The following DOCK3 variants were observed in gnomAD, a reference collection of about 807,000 sequenced individuals.
DOCK3 encodes the protein dedicator of cytokinesis 3.
DOCK3 carries 60 observed loss-of-function variants against 265.6 expected under a neutral mutation model. That is an observed-to-expected ratio of 0.23 (90% CI 0.18 to 0.28). DOCK3 has a LOEUF of 0.28. Among genes scored for constraint, DOCK3 ranks in the 10% least tolerant of loss-of-function variants. DOCK3 has a pLI of 1.00. For missense variants in DOCK3, 1,981 were observed against 2,594.3 expected (o/e 0.76, Z 5.14); for synonymous variants, 881 against 938.0 (o/e 0.94, Z 1.11).
At chr3:51,354,793 T>C in intron 40 of DOCK3, 89 bp from the exon 41 acceptor site, 1 of 1,537,384 alleles carries the variant, frequency 6.5e-7, no homozygotes. Context: ...CTAAGATATG[T>C]TTGTGCTATA....
intron 14 of DOCK3, among the ~76,000 whole-genome samples, chr3:51,224,908 C>T (rs1375160323): frequency 6.6e-6 from 1 of 152,196 alleles, no homozygotes; most frequent in Non-Finnish European, 1.5e-5. Flanking sequence ...TCATTTTAGA[C>T]TTGAAGTTTG....
chr3:50,837,422 A>G (rs1039232077), intron 2 of DOCK3, among the ~76,000 whole-genome samples: 11 of 152,186 alleles, frequency 7.2e-5, no homozygotes, highest in Admixed American at 1.3e-4. Flanking sequence ...CCTTCTTCAC[A>G]TGGTGGCAGA....
At chr3:50,995,181 T>C (rs2078235136) in intron 5 of DOCK3, among the ~76,000 whole-genome samples, 1 of 152,230 alleles carries the variant, frequency 6.6e-6, no homozygotes, top group Non-Finnish European at 1.5e-5. Flanking sequence ...AGAAAAATGT[T>C]CTAGTGATTA....
At chr3:51,120,800 G>A (rs530822510) in intron 9 of DOCK3, among the ~76,000 whole-genome samples, 108 of 152,226 alleles carry the variant, frequency 7.1e-4, no homozygotes, top group African/African-American at 2.6e-3. Context: ...CTCAGTAATG[G>A]TGGATATCCC....
intron 38 of DOCK3, 134 bp downstream of exon 38, chr3:51,341,519 C>A: frequency 7.9e-7 from 1 of 1,272,700 alleles, no homozygotes; most frequent in Non-Finnish European, 1.1e-6. Context: ...TATCTATGTG[C>A]CTAAGATGTG....
intron 22 of DOCK3, among the ~76,000 whole-genome samples, chr3:51,259,121 G>T (rs527980490): frequency 6.6e-6 from 1 of 152,258 alleles, no homozygotes; most frequent in African/African-American, 2.4e-5. Context: ...AGATGAGGCC[G>T]CACACTAAAT....
At chr3:51,088,195 C>G (rs1239617798) in intron 7 of DOCK3, among the ~76,000 whole-genome samples, 1 of 151,764 alleles carries the variant, frequency 6.6e-6, no homozygotes, top group African/African-American at 2.4e-5. Context: ...GGCTAAAAAA[C>G]AAAAACAAAA....
At chr3:50,922,205 C>T (rs2050514692) in intron 4 of DOCK3, among the ~76,000 whole-genome samples, 3 of 152,214 alleles carry the variant, frequency 2.0e-5, no homozygotes, top group Admixed American at 2.0e-4. Flanking sequence ...GGGCTCTACC[C>T]AGTTCAAGCT....
At chr3:51,249,535 G>T (rs376229596) in intron 22 of DOCK3, among the ~76,000 whole-genome samples, 2 of 61,044 alleles carry the variant, frequency 3.3e-5, no homozygotes, top group Admixed American at 1.4e-4. Context: ...CCAGCCGCCC[G>T]GTCCGGGAGG....
At chr3:50,924,008 T>C (rs1465166499) in intron 4 of DOCK3, among the ~76,000 whole-genome samples, 1 of 152,180 alleles carries the variant, frequency 6.6e-6, no homozygotes, top group African/African-American at 2.4e-5. Flanking sequence ...TGTTTTTGTT[T>C]GTTTGTTTGT....
chr3:51,231,161 C>G (rs1445737179), intron 19 of DOCK3, among the ~76,000 whole-genome samples: 2 of 107,352 alleles, frequency 1.9e-5, no homozygotes, highest in African/African-American at 7.5e-5. Flanking sequence ...CGGAGTCTTG[C>G]CCTGTTGCTC....
chr3:51,116,160 G>GT (rs1239865442), intron 9 of DOCK3, among the ~76,000 whole-genome samples: 7 of 152,046 alleles, frequency 4.6e-5, no homozygotes, highest in Admixed American at 4.6e-4. Flanking sequence ...ACTTAAAGTA[G>GT]TTTTTTCTAG....
intron 35 of DOCK3, among the ~76,000 whole-genome samples, chr3:51,335,931 G>T (rs1184369936): frequency 6.6e-6 from 1 of 151,384 alleles, no homozygotes; most frequent in Non-Finnish European, 1.5e-5. Context: ...GGTCGAGGAT[G>T]CAGTGAGCTG....
At chr3:50,702,489 G>A (rs941726723) in intron 1 of DOCK3, among the ~76,000 whole-genome samples, 3 of 151,892 alleles carry the variant, frequency 2.0e-5, no homozygotes, top group Non-Finnish European at 4.4e-5. Flanking sequence ...TCAGCCTCCC[G>A]AGTAGCTTGG....
At chr3:51,232,827 T>C (rs546975041) in intron 19 of DOCK3, among the ~76,000 whole-genome samples, 1 of 152,344 alleles carries the variant, frequency 6.6e-6, no homozygotes, top group African/African-American at 2.4e-5. Flanking sequence ...GTGAGGGTTG[T>C]CTGTTTACTC....
chr3:51,305,160 A>G (rs770382356), intron 27 of DOCK3, among the ~76,000 whole-genome samples: 1 of 152,166 alleles, frequency 6.6e-6, no homozygotes, highest in Non-Finnish European at 1.5e-5. Flanking sequence ...TGGTATATCA[A>G]AGTCTTCAAC....
chr3:51,239,497 C>T (rs975088731), intron 21 of DOCK3, among the ~76,000 whole-genome samples: 1 of 151,680 alleles, frequency 6.6e-6, no homozygotes, highest in Middle Eastern at 3.5e-3. Flanking sequence ...TGCCCAGCCA[C>T]TGGCCTCATT....
chr3:51,314,260 T>G (rs952885129), intron 31 of DOCK3, among the ~76,000 whole-genome samples: 1 of 152,180 alleles, frequency 6.6e-6, no homozygotes, highest in Non-Finnish European at 1.5e-5. Flanking sequence ...GAAACCCACA[T>G]CACACACTTA....
intron 4 of DOCK3, among the ~76,000 whole-genome samples, chr3:50,927,705 G>T (rs2050835287): frequency 6.6e-6 from 1 of 152,158 alleles, no homozygotes; most frequent in Non-Finnish European, 1.5e-5. Flanking sequence ...CTAAGTCTGG[G>T]TTGAAAGGAG....
Sources: allele counts gnomAD v4.1 joint callset (sites outside exome capture counted in the v4.1 genomes callset), GRCh38; gene constraint gnomAD v4.1.1; transcripts MANE v1.5; gene names NCBI Gene and HGNC (gene_info 2026-07-23, HGNC 2026-07-21).